Variants in CPNE9 observed in about 807,000 individuals in gnomAD.
The protein encoded by CPNE9 is copine family member 9.
In CPNE9, 59 loss-of-function variants were observed where a neutral mutation model predicts 83.0. The observed-to-expected ratio is 0.71, with a 90% CI of 0.58 to 0.88. The LOEUF (loss-of-function observed/expected upper bound fraction) is 0.88. Among genes scored for constraint, CPNE9 ranks in the 40% least tolerant of loss-of-function variants. The pLI is 0.00. For missense variants in CPNE9, 619 were observed against 720.8 expected (o/e 0.86, Z 1.62); for synonymous variants, 256 against 273.4 (o/e 0.94, Z 0.63).
chr3:9,718,026 C>A lies in CPNE9; in HGVS notation c.932-3C>A. 6.2e-7 allele frequency: 1 copy of A among 1,601,698 alleles called. No individual in the cohort carries two copies. Among genetic ancestry groups the A allele is most frequent in the Non-Finnish European group, 8.5e-7 (1 of 1,173,702 alleles). On this transcript the variant is annotated splice_polypyrimidine_tract_variant and splice_region_variant and intron_variant, in intron 15 of 20. Coordinates refer to ENST00000383832, the MANE Select transcript of CPNE9 (RefSeq NM_153635.3). The stretch of plus-strand genomic sequence containing the variant: ...TGAGGCTGGGGTTCCTGTGTCCCTA[C>A]AGGGAATCCTCTGCAGCCTACCTCC...
Position 9,716,018 on chromosome 3 carries a change from TG to T in CPNE9, c.868del (p.Asp290IlefsTer9). On this transcript the variant is annotated frameshift_variant, in exon 14 of 21. Coordinates refer to ENST00000383832, the MANE Select transcript of CPNE9 (RefSeq NM_153635.3). LOFTEE classifies it high-confidence loss of function. ...FSVDSEFTFV[D>X]YIKGGTQLNF... is the part of the protein sequence containing the mutation. ...CTGTGGACTCTGAATTCACTTTTGTTGATTACATCAAGGGAGGGTGAGTCAC... is the reference window on the plus strand; with the variant it reads ...CTGTGGACTCTGAATTCACTTTTGTTATTACATCAAGGGAGGGTGAGTCAC... The T allele has an allele frequency of 1.2e-6, 2 of 1,610,650 alleles. No homozygotes were observed. Among genetic ancestry groups the T allele is most frequent in the Non-Finnish European group, 1.7e-6 (2 of 1,178,414 alleles).
intron 20 of CPNE9, 24 bp from the exon 21 acceptor site, chr3:9,729,483 T>A: frequency 1.3e-6 from 2 of 1,591,380 alleles, no homozygotes; most frequent in Non-Finnish European, 1.7e-6. Flanking sequence ...ATGGCTTATC[T>A]CTTCTTGTCT....
chr3:9,725,845 G>A (rs968854691), intron 17 of CPNE9, 104 bp from the exon 18 acceptor site: 1 of 861,314 alleles, frequency 1.2e-6, no homozygotes, highest in Non-Finnish European at 2.0e-6. Context: ...AGAAGCCCCA[G>A]TTCCTGCCCA....
chr3:9,707,791 C>CA (rs57310594), intron 7 of CPNE9, among the ~76,000 whole-genome samples: 9,341 of 49,628 alleles, frequency 0.19, 422 homozygotes, highest in Middle Eastern at 0.22. Flanking sequence ...ACAAAAAAGA[C>CA]AAAAAAAAAA....
At chr3:9,715,826 G>T in intron 13 of CPNE9, 148 bp from the exon 14 acceptor site, 1 of 673,316 alleles carries the variant, frequency 1.5e-6, no homozygotes. Flanking sequence ...CCTGTCAGAA[G>T]TTGAACAGGG....
Position 9,729,780 on chromosome 3 carries a change from T to C in CPNE9, c.*88T>C. 6.8e-7 allele frequency: 1 copy of C among 1,471,206 alleles called. No individual in the cohort carries two copies. Among genetic ancestry groups the C allele is most frequent in the Non-Finnish European group, 9.0e-7 (1 of 1,107,546 alleles). The allele number at this position is 1,471,206 out of a possible 1,614,324, so 91.1% of individuals were successfully genotyped here. A position where few individuals can be genotyped will look rare whatever the true frequency, so the allele number is the denominator to read the frequency against. On this transcript the variant is annotated 3_prime_UTR_variant, in exon 21 of 21. Coordinates refer to ENST00000383832, the MANE Select transcript of CPNE9 (RefSeq NM_153635.3). Reference sequence around the variant, plus strand: ...GCCAGAGGCACCTGGAACCCTGGACTTCACTGGGAGGGCCAACTTGGAGGA... The same window carrying C: ...GCCAGAGGCACCTGGAACCCTGGACCTCACTGGGAGGGCCAACTTGGAGGA...
chr3:9,723,168 AGGGGATGTAAAGGAGAATC>A (rs2076748611), intron 17 of CPNE9, among the ~76,000 whole-genome samples: 1 of 152,160 alleles, frequency 6.6e-6, no homozygotes, highest in East Asian at 1.9e-4. Context: ...GGAAGTGGGT[AGGGGATGTAAAGGAGAATC>A]ATGGCTGGCC....
intron 7 of CPNE9, among the ~76,000 whole-genome samples, chr3:9,709,345 G>GTTTTTGTTTT (rs2076599908): frequency 6.7e-6 from 1 of 149,442 alleles, no homozygotes. Flanking sequence ...CAGGAAGAGA[G>GTTTTTGTTTT]GTCAAGAATA....
At chr3:9,715,167 C>A in intron 11 of CPNE9, 122 bp from the exon 12 acceptor site, 1 of 1,160,556 alleles carries the variant, frequency 8.6e-7, no homozygotes, top group Non-Finnish European at 1.2e-6. Context: ...CCCTTATGGC[C>A]CCAGCACTAG....
intron 7 of CPNE9, among the ~76,000 whole-genome samples, chr3:9,711,765 G>A (rs186001959): frequency 6.6e-6 from 1 of 152,168 alleles, no homozygotes; most frequent in Non-Finnish European, 1.5e-5. Context: ...GGGGATGGGG[G>A]TTCTCGTATG....
At chr3:9,705,794 C>CCA in intron 6 of CPNE9, 74 bp downstream of exon 6, 1 of 1,521,088 alleles carries the variant, frequency 6.6e-7, no homozygotes, top group Non-Finnish European at 9.1e-7. Flanking sequence ...GACTGATGAC[C>CCA]CACTACAAGG....
At position 9,704,542 on chromosome 3, in the gene CPNE9, G is replaced by A; in HGVS notation, c.69-45G>A. 6.5e-7 allele frequency: 1 copy of A among 1,543,956 alleles called. No homozygotes were observed. Among genetic ancestry groups the A allele is most frequent in the Non-Finnish European group, 8.9e-7 (1 of 1,117,490 alleles). On this transcript the variant is annotated intron_variant, in intron 1 of 20. Transcript: ENST00000383832. The surrounding 1 kb of genome is among the most constrained non-coding windows in gnomAD (Gnocchi z 7.1). ...GGCTCAGAGCCGACTCGAGGCGGGCGGACTCCAGGATGATCCACTCTGTCT... is the reference window on the plus strand; with the variant it reads ...GGCTCAGAGCCGACTCGAGGCGGGCAGACTCCAGGATGATCCACTCTGTCT...
chr3:9,720,428 C>G (rs1479062264), intron 17 of CPNE9, among the ~76,000 whole-genome samples: 1 of 120,386 alleles, frequency 8.3e-6, no homozygotes, highest in Non-Finnish European at 1.8e-5. Flanking sequence ...TGTTACATAA[C>G]AAACTTGAGA....
rs879232549 is a variant in CPNE9, at chr3:9,718,400, G to A, written c.1114-75G>A. On this transcript the variant is annotated intron_variant, in intron 16 of 20. Transcript: ENST00000383832. ...TGAAAGGGACTGATGGAAAAAGGAA[G>A]GAGTGAGCTGGAATCAGAGCACTCC... 1.9e-6 allele frequency: 3 copies of A among 1,548,610 alleles called. No individual in the cohort carries two copies. In the South Asian group the frequency reaches 3.6e-5, roughly 18 times the overall value.
chr3:9,714,900 C>T lies in CPNE9; in HGVS notation c.651-14C>T, dbSNP rs377443857. ...TCATACACACCTAGGGTATGTTTAT[C>T]TCCTACATTTCAGAACGGTGAAGAT... On this transcript the variant is annotated splice_polypyrimidine_tract_variant and intron_variant, in intron 10 of 20. Coordinates refer to ENST00000383832, the MANE Select transcript of CPNE9 (RefSeq NM_153635.3). 107 of 1,611,934 alleles carry T rather than the reference C, an allele frequency of 6.6e-5. No homozygotes were observed. The highest frequency in any genetic ancestry group is 8.6e-5 in the Non-Finnish European group (101 of 1,178,404).
chr3:9,723,628 T>C (rs1559644954), intron 17 of CPNE9, among the ~76,000 whole-genome samples: 1 of 152,202 alleles, frequency 6.6e-6, no homozygotes, highest in Non-Finnish European at 1.5e-5. Context: ...GGTGCCATCA[T>C]GGCTCACTGG....
intron 17 of CPNE9, among the ~76,000 whole-genome samples, chr3:9,722,093 T>C (rs905919422): frequency 1.3e-5 from 2 of 151,962 alleles, no homozygotes; most frequent in Non-Finnish European, 2.9e-5. Flanking sequence ...AATTTTTGTA[T>C]TCTAGAAGAG....
At chr3:9,718,007 T>C (rs776440633) in intron 15 of CPNE9, 22 bp from the exon 16 acceptor site, 2 of 1,581,040 alleles carry the variant, frequency 1.3e-6, no homozygotes, top group African/African-American at 2.7e-5. Flanking sequence ...ATCATGAGGC[T>C]GGGGTTCCTG....
chr3:9,728,371 C>T (rs997304089), intron 20 of CPNE9, among the ~76,000 whole-genome samples: 1 of 152,284 alleles, frequency 6.6e-6, no homozygotes, highest in Admixed American at 6.5e-5. Context: ...CGCTTGTAAT[C>T]CCAGCACTTT....
Sources: gnomAD v4.1 joint callset for allele counts (sites outside exome capture counted in the v4.1 genomes callset) on GRCh38, gnomAD v4.1.1 for gene constraint, Gnocchi (gnomAD v3.1) non-coding constraint, MANE v1.5 for transcripts, NCBI Gene and HGNC (gene_info 2026-07-23, HGNC 2026-07-21) for gene names.